EHBP1: variants seen among roughly 807,000 people sequenced by gnomAD.
The protein encoded by EHBP1 is EH domain-binding protein 1.
Under a neutral mutation model 144.0 loss-of-function variants are expected in EHBP1, and 55 were observed. The observed-to-expected ratio is 0.38, with a 90% CI of 0.31 to 0.48. EHBP1 has a LOEUF of 0.48. EHBP1 is among the 20% of genes least tolerant of loss of function. The probability of loss-of-function intolerance (pLI) is 0.98; values close to 1 mark genes in which losing one functional copy is unlikely to be tolerated. For synonymous variants in EHBP1, 469 were observed against 472.7 expected (o/e 0.99, Z 0.10); for missense variants, 1,200 against 1,364.2 (o/e 0.88, Z 1.90).
intron 5 of EHBP1, among the ~76,000 whole-genome samples, chr2:62,775,625 A>AAACAGAAG (rs1573285484): frequency 6.6e-6 from 1 of 152,334 alleles, no homozygotes; most frequent in East Asian, 1.9e-4. Context: ...TATCCCAATA[A>AAACAGAAG]AACAGAAGTC....
At chr2:62,921,076 G>A (rs1294192161) in intron 10 of EHBP1, among the ~76,000 whole-genome samples, 1 of 152,220 alleles carries the variant, frequency 6.6e-6, no homozygotes, top group African/African-American at 2.4e-5. Flanking sequence ...GGAGCTATTA[G>A]AAGAGAAGCT....
chr2:62,957,641 C>CTTTTTTTTTTTTTTT lies in EHBP1; in HGVS notation c.2460+1989_2460+2003dup, dbSNP rs1157397512. Among the ~76,000 whole-genome samples, 55 of 87,172 alleles carry CTTTTTTTTTTTTTTT rather than the reference C, an allele frequency of 6.3e-4. 11 individuals are homozygous for CTTTTTTTTTTTTTTT. The highest frequency in any genetic ancestry group is 2.5e-3 in the African/African-American group (48 of 19,488). The allele number at this position is 87,172 out of a possible 152,430, so 57.2% of individuals were successfully genotyped here. A position where few individuals can be genotyped will look rare whatever the true frequency, so the allele number is the denominator to read the frequency against. Reference sequence around the variant, plus strand: ...TAAAATTAATATTTGAAAATAAATGCTTTTTTTTTTTTTTTTTTTTTTGAG... The same window carrying CTTTTTTTTTTTTTTT: ...TAAAATTAATATTTGAAAATAAATGCTTTTTTTTTTTTTTTTTTTTTTTTTTTTTTTTTTTTTGAG... On this transcript the variant is annotated intron_variant, in intron 14 of 22. Coordinates refer to ENST00000431489, the MANE Select transcript of EHBP1 (RefSeq NM_001142616.3).
At chr2:62,745,522 G>C (rs116455326) in intron 2 of EHBP1, among the ~76,000 whole-genome samples, 3,015 of 152,002 alleles carry the variant, frequency 0.02, 104 homozygotes, top group African/African-American at 0.069. Context: ...TTTAAACATT[G>C]TAACATTGCA....
intron 10 of EHBP1, among the ~76,000 whole-genome samples, chr2:62,899,559 A>G (rs1303493097): frequency 1.3e-5 from 2 of 152,216 alleles, no homozygotes; most frequent in African/African-American, 2.4e-5. Context: ...GGTCTGAACC[A>G]GGTGACAGCA....
chr2:63,003,056 T>A (rs916634616), intron 19 of EHBP1, among the ~76,000 whole-genome samples: 4 of 152,096 alleles, frequency 2.6e-5, no homozygotes, highest in African/African-American at 4.8e-5. Context: ...TATGATTTTT[T>A]AAAAATGTTT....
chr2:62,762,053 T>G (rs1192034195), intron 3 of EHBP1, among the ~76,000 whole-genome samples: 1 of 152,150 alleles, frequency 6.6e-6, no homozygotes, highest in Non-Finnish European at 1.5e-5. Flanking sequence ...TCCTCCCACC[T>G]CAGCCTCCCA....
chr2:62,865,423 G>C (rs1159569046), intron 9 of EHBP1, among the ~76,000 whole-genome samples: 1 of 152,110 alleles, frequency 6.6e-6, no homozygotes, highest in South Asian at 2.1e-4. Flanking sequence ...CTAAATTAGG[G>C]ATTATCACAA....
At chr2:62,792,078 A>G (rs2043199403) in intron 5 of EHBP1, among the ~76,000 whole-genome samples, 1 of 152,080 alleles carries the variant, frequency 6.6e-6, no homozygotes, top group African/African-American at 2.4e-5. Flanking sequence ...TTTGTTATAT[A>G]TAGGTTAAAC....
At chr2:63,006,021 T>C (rs952658320) in intron 19 of EHBP1, among the ~76,000 whole-genome samples, 2 of 152,032 alleles carry the variant, frequency 1.3e-5, no homozygotes, top group African/African-American at 4.8e-5. Flanking sequence ...TCTGGAATTA[T>C]TTAAAACTGC....
intron 5 of EHBP1, among the ~76,000 whole-genome samples, chr2:62,819,790 G>A (rs2045759623): frequency 6.6e-6 from 1 of 150,416 alleles, no homozygotes; most frequent in Non-Finnish European, 1.5e-5. Context: ...AAAAACCCGC[G>A]ACAACCCATA....
chr2:62,815,012 T>C (rs998404194), intron 5 of EHBP1, among the ~76,000 whole-genome samples: 4 of 152,192 alleles, frequency 2.6e-5, no homozygotes, highest in African/African-American at 7.2e-5. Context: ...ATGGCACTTA[T>C]AGAAGCAATC....
At chr2:62,946,896 A>G (rs1242086326) in intron 12 of EHBP1, among the ~76,000 whole-genome samples, 1 of 152,176 alleles carries the variant, frequency 6.6e-6, no homozygotes, top group Non-Finnish European at 1.5e-5. Flanking sequence ...CAAGGAAGCT[A>G]ATCATTTTCC....
intron 5 of EHBP1, among the ~76,000 whole-genome samples, chr2:62,813,853 A>G (rs2045245737): frequency 6.6e-6 from 1 of 152,260 alleles, no homozygotes; most frequent in African/African-American, 2.4e-5. Context: ...CTGTCCCACC[A>G]TTGTATTTTG....
At chr2:62,926,481 A>G (rs971667215) in intron 10 of EHBP1, among the ~76,000 whole-genome samples, 1 of 152,112 alleles carries the variant, frequency 6.6e-6, no homozygotes, top group Non-Finnish European at 1.5e-5. Context: ...GAAACATCCC[A>G]ATAGCCAAAA....
intron 1 of EHBP1, among the ~76,000 whole-genome samples, chr2:62,689,688 T>A (rs951606214): frequency 6.6e-6 from 1 of 152,150 alleles, no homozygotes; most frequent in Non-Finnish European, 1.5e-5. Context: ...ATAATAATTT[T>A]AAAAATTGTG....
At chr2:63,043,266 A>G (rs959794834) in intron 21 of EHBP1, among the ~76,000 whole-genome samples, 3 of 152,194 alleles carry the variant, frequency 2.0e-5, no homozygotes, top group Admixed American at 6.5e-5. Flanking sequence ...TAAAATTGTG[A>G]TATATATGGC....
intron 1 of EHBP1, among the ~76,000 whole-genome samples, chr2:62,693,085 T>C (rs2033963120): frequency 6.6e-6 from 1 of 152,106 alleles, no homozygotes; most frequent in African/African-American, 2.4e-5. Context: ...AATTTTTAGC[T>C]CCCATAGATA....
chr2:62,768,350 G>C (rs530326794), intron 4 of EHBP1, among the ~76,000 whole-genome samples: 1 of 152,278 alleles, frequency 6.6e-6, no homozygotes, highest in African/African-American at 2.4e-5. Context: ...ACTGACCTCA[G>C]ATAAGTGAAA....
intron 14 of EHBP1, 154 bp downstream of exon 14, chr2:62,955,814 T>C (rs556295939): frequency 1.9e-5 from 14 of 724,022 alleles, no homozygotes; most frequent in Admixed American, 1.5e-4. Context: ...GATAAATTCA[T>C]ACTTGTAGGA....
Sources: allele counts gnomAD v4.1 joint callset (sites outside exome capture counted in the v4.1 genomes callset), GRCh38; gene constraint gnomAD v4.1.1; transcripts MANE v1.5; gene names NCBI Gene and HGNC (gene_info 2026-07-23, HGNC 2026-07-21).